The following TRERF1 variants were observed in gnomAD, a reference collection of about 807,000 sequenced individuals.
The protein encoded by TRERF1 is transcriptional-regulating factor 1.
In TRERF1, 27 loss-of-function variants were observed where a neutral mutation model predicts 122.9. That is an observed-to-expected ratio of 0.22 (90% CI 0.16 to 0.30). TRERF1 has a LOEUF of 0.30. TRERF1 is among the 10% of genes least tolerant of loss of function. The probability of loss-of-function intolerance (pLI) is 1.00; values close to 1 mark genes in which losing one functional copy is unlikely to be tolerated. For missense variants in TRERF1, 1,248 were observed against 1,560.3 expected (o/e 0.80, Z 3.37); for synonymous variants, 636 against 641.7 (o/e 0.99, Z 0.13).
chr6:42,319,039 C>T (rs1029373081), intron 3 of TRERF1, among the ~76,000 whole-genome samples: 2 of 152,244 alleles, frequency 1.3e-5, no homozygotes, highest in African/African-American at 4.8e-5. Flanking sequence ...AGCAGGTGAG[C>T]CTTCTCCATC....
intron 2 of TRERF1, among the ~76,000 whole-genome samples, chr6:42,403,934 C>G (rs57919207): frequency 6.6e-6 from 1 of 151,644 alleles, no homozygotes; most frequent in Admixed American, 6.5e-5. Context: ...CCATGAGACC[C>G]CCCCCAGGCC....
intron 3 of TRERF1, among the ~76,000 whole-genome samples, chr6:42,350,584 C>T (rs1769226797): frequency 6.6e-6 from 1 of 152,180 alleles, no homozygotes; most frequent in Admixed American, 6.5e-5. Context: ...TGCCCCAAAT[C>T]CTTCCTGTCA....
chr6:42,256,409 T>C (rs951055857), intron 12 of TRERF1, among the ~76,000 whole-genome samples: 2 of 152,154 alleles, frequency 1.3e-5, no homozygotes, highest in Non-Finnish European at 1.5e-5. Context: ...AGTAAAGCCT[T>C]CTACCTCCAT....
At chr6:42,305,175 T>C (rs945985098) in intron 3 of TRERF1, among the ~76,000 whole-genome samples, 1 of 152,194 alleles carries the variant, frequency 6.6e-6, no homozygotes, top group Non-Finnish European at 1.5e-5. Flanking sequence ...AACTGAGTGG[T>C]TGAGCCAGAG....
chr6:42,374,270 T>C (rs920402870), intron 2 of TRERF1, among the ~76,000 whole-genome samples: 2 of 152,224 alleles, frequency 1.3e-5, no homozygotes, highest in African/African-American at 4.8e-5. Context: ...CTGCCCTTCC[T>C]GGACCACTGG....
At position 42,269,913 on chromosome 6, in the gene TRERF1, A is replaced by C. The variant is rs1582711850; in HGVS notation, c.-258-65T>G. 5.3e-5 allele frequency: 17 copies of C among 319,616 alleles called. No individual in the cohort carries two copies. The East Asian group carries it at 1.1e-3, about 21-fold the overall frequency. The allele number at this position is 319,616 out of a possible 1,614,324, so 19.8% of individuals were successfully genotyped here. On this transcript the variant is annotated intron_variant, in intron 4 of 17. Coordinates refer to ENST00000372922, the Ensembl canonical transcript of TRERF1. This position sits in a 1 kb window ranked among gnomAD's most constrained non-coding sequence, Gnocchi z 4.9. The stretch of plus-strand genomic sequence containing the variant: ...GGATGTTTTGTGATGAGCAATTGAT[A>C]TCCACCATGACCAGTGATAAAAATA...
intron 3 of TRERF1, among the ~76,000 whole-genome samples, chr6:42,301,961 A>G (rs1184381856): frequency 6.6e-6 from 1 of 152,204 alleles, no homozygotes; most frequent in East Asian, 1.9e-4. Context: ...GAGCTTTGGG[A>G]AAGTGTGGCT....
At chr6:42,416,249 C>A (rs77000712) in intron 2 of TRERF1, among the ~76,000 whole-genome samples, 3,658 of 152,092 alleles carry the variant, frequency 0.024, 154 homozygotes, top group African/African-American at 0.084. Context: ...CCAGCTTATC[C>A]CCACCAGAAC....
chr6:42,342,381 G>A (rs939244849), intron 3 of TRERF1, among the ~76,000 whole-genome samples: 1 of 152,174 alleles, frequency 6.6e-6, no homozygotes, highest in African/African-American at 2.4e-5. Context: ...CCACTGTAAA[G>A]GAGATGGCAA....
chr6:42,401,060 G>T (rs1779308932), intron 2 of TRERF1, among the ~76,000 whole-genome samples: 1 of 152,196 alleles, frequency 6.6e-6, no homozygotes, highest in East Asian at 1.9e-4. Flanking sequence ...AGAAAAGCAC[G>T]GCCCTGTCAA....
chr6:42,226,623 T>A (rs1264012935), exon 18 of TRERF1: 1 of 152,258 alleles, frequency 6.6e-6, no homozygotes, highest in Non-Finnish European at 1.5e-5. Flanking sequence ...ATTTTATTTT[T>A]TTTTCTGTCC....
chr6:42,269,425 G>T lies in TRERF1; in HGVS notation c.166C>A (p.His56Asn), dbSNP rs140151920. Residue 56 changes from histidine (H) to asparagine (N), a missense_variant, in exon 5 of 18, where the codon CAC becomes AAC. His to Asn is a moderately conservative substitution (Grantham distance 68, BLOSUM62 1). This residue lies in a region of TRERF1 where 946 missense variants were observed against 1,073.0 expected (regional missense o/e 0.88). Coordinates refer to ENST00000372922, the Ensembl canonical transcript of TRERF1. This position sits in a 1 kb window ranked among gnomAD's most constrained non-coding sequence, Gnocchi z 4.9. ...CCATCCCGTGTATCTTGAGGGAAGT[G>T]GGGGGAGATTGGCGAGGCCTGAGGG... 1.2e-4 allele frequency: 200 copies of T among 1,614,196 alleles called. 1 individual carries two copies. The East Asian group carries it at 3.8e-3, about 31-fold the overall frequency.
chr6:42,277,386 C>T (rs114569832), intron 4 of TRERF1, among the ~76,000 whole-genome samples: 2,273 of 149,578 alleles, frequency 0.015, 57 homozygotes, highest in African/African-American at 0.053. Context: ...TGCCAGTTGC[C>T]CTTTTCTGCT....
intron 2 of TRERF1, among the ~76,000 whole-genome samples, chr6:42,443,607 T>A (rs1786928242): frequency 6.6e-6 from 1 of 152,142 alleles, no homozygotes; most frequent in African/African-American, 2.4e-5. Context: ...GCAAACCAAG[T>A]TTATTTGGCC....
exon 15 of TRERF1, chr6:42,243,257 G>A (rs369910087): frequency 2.6e-5 from 42 of 1,613,718 alleles, no homozygotes; most frequent in African/African-American, 4.0e-5. Context: ...CCACACAATC[G>A]TCGATGATTT....
intron 4 of TRERF1, among the ~76,000 whole-genome samples, chr6:42,271,206 G>C (rs915791007): frequency 6.7e-5 from 10 of 150,226 alleles, no homozygotes; most frequent in African/African-American, 2.0e-4. Context: ...AAAAAAAAGA[G>C]GTTCAATTTC....
At chr6:42,334,437 T>C (rs1765784477) in intron 3 of TRERF1, among the ~76,000 whole-genome samples, 1 of 152,194 alleles carries the variant, frequency 6.6e-6, no homozygotes, top group Non-Finnish European at 1.5e-5. Context: ...CACAGGCCAA[T>C]GTCATTGATC....
intron 2 of TRERF1, among the ~76,000 whole-genome samples, chr6:42,375,689 G>C (rs1481150486): frequency 6.6e-6 from 1 of 152,166 alleles, no homozygotes; most frequent in Non-Finnish European, 1.5e-5. Context: ...CTCAAAGATG[G>C]GTGAAGAAGC....
intron 2 of TRERF1, among the ~76,000 whole-genome samples, chr6:42,444,286 C>T (rs1048136896): frequency 1.3e-5 from 2 of 150,570 alleles, no homozygotes; most frequent in Non-Finnish European, 3.0e-5. Context: ...TTTTTCTAAT[C>T]ATAGTTTTCA....
Sources: allele counts gnomAD v4.1 joint callset (sites outside exome capture counted in the v4.1 genomes callset), GRCh38; gene constraint gnomAD v4.1.1; regional missense constraint gnomAD v4.1.1; non-coding constraint Gnocchi (gnomAD v3.1); transcripts MANE v1.5; gene names NCBI Gene and HGNC (gene_info 2026-07-23, HGNC 2026-07-21).